CACNG5: variants seen among roughly 807,000 people sequenced by gnomAD.
CACNG5 encodes the protein calcium voltage-gated channel auxiliary subunit gamma 5.
CACNG5 carries 18 observed loss-of-function variants against 24.8 expected under a neutral mutation model. The ratio of observed to expected loss-of-function variants is 0.73; its 90% CI spans 0.50 to 1.08. CACNG5 has a LOEUF of 1.08. Ranked by LOEUF, CACNG5 falls within the 50% of genes least tolerant of loss-of-function variation. CACNG5 has a pLI of 0.00. For synonymous variants in CACNG5, 157 were observed against 149.1 expected (o/e 1.05, Z -0.39); for missense variants, 349 against 367.9 (o/e 0.95, Z 0.42).
chr17:66,839,401 C>G (rs1335866896), intron 1 of CACNG5, among the ~76,000 whole-genome samples: 1 of 152,034 alleles, frequency 6.6e-6, no homozygotes, highest in African/African-American at 2.4e-5. Flanking sequence ...TAGGAGCAAG[C>G]ATTCCACAGA....
chr17:66,878,739 G>A (rs1977118132), intron 2 of CACNG5, among the ~76,000 whole-genome samples: 1 of 152,134 alleles, frequency 6.6e-6, no homozygotes, highest in Admixed American at 6.5e-5. Flanking sequence ...TGGTGCTTGG[G>A]TCCATCCTCA....
At chr17:66,838,726 A>G (rs1976518608) in intron 1 of CACNG5, among the ~76,000 whole-genome samples, 1 of 152,138 alleles carries the variant, frequency 6.6e-6, no homozygotes. Context: ...GATGACAACA[A>G]TGATGATAGC....
At chr17:66,839,281 C>G (rs574781498) in intron 1 of CACNG5, among the ~76,000 whole-genome samples, 2 of 112,456 alleles carry the variant, frequency 1.8e-5, no homozygotes, top group African/African-American at 5.9e-5. Flanking sequence ...TTCTGACAAC[C>G]AAAAATGTCT....
intron 1 of CACNG5, among the ~76,000 whole-genome samples, chr17:66,845,555 T>C (rs1260653772): frequency 2.0e-5 from 3 of 152,030 alleles, no homozygotes; most frequent in African/African-American, 7.3e-5. Context: ...CTTTGCCAGA[T>C]GTTCCCCAAT....
chr17:66,877,322 G>T lies in CACNG5; in HGVS notation c.-11G>T, dbSNP rs765517982. 1 of 1,611,212 alleles carries T rather than the reference G, an allele frequency of 6.2e-7. No homozygotes were observed. Among genetic ancestry groups the T allele is most frequent in the Non-Finnish European group, 8.5e-7 (1 of 1,177,980 alleles). On this transcript the variant is annotated 5_prime_UTR_variant, in exon 2 of 6. Transcript: ENST00000533854. Reference sequence around the variant, plus strand: ...GCGTGGCGACTAGTTGCACAGCAACGGTCCAGGAAGATGAGTGCCTGCGGG... The same window carrying T: ...GCGTGGCGACTAGTTGCACAGCAACTGTCCAGGAAGATGAGTGCCTGCGGG...
chr17:66,877,711 T>G (rs1470731703), intron 2 of CACNG5, among the ~76,000 whole-genome samples, 183 bp downstream of exon 2: 3 of 152,182 alleles, frequency 2.0e-5, no homozygotes, highest in African/African-American at 7.2e-5. Flanking sequence ...CAAGTCCTGA[T>G]TCTCGATGTC....
chr17:66,835,121 GC>G lies in CACNG5; in HGVS notation c.-232del, dbSNP rs1206145645. On this transcript the variant is annotated 5_prime_UTR_variant, in exon 1 of 6. Coordinates refer to ENST00000533854, the MANE Select transcript of CACNG5 (RefSeq NM_145811.3). Reference sequence around the variant, plus strand: ...GCGGCGGCGGCGGCCACGGTCATTGGCGCCGAGCGGTTCCGGCTGACTGGAC... The same window carrying G: ...GCGGCGGCGGCGGCCACGGTCATTGGGCCGAGCGGTTCCGGCTGACTGGAC... 1 of 152,232 alleles carries G rather than the reference GC, an allele frequency of 6.6e-6. No individual in the cohort carries two copies. 9.4% of individuals were successfully genotyped at this position (152,232 alleles called of 1,614,324 possible). A position where few individuals can be genotyped will look rare whatever the true frequency, so the allele number is the denominator to read the frequency against.
rs186255949 is a variant in CACNG5, at chr17:66,859,267, T to C, written c.-103-17963T>C. ...ATTTCTCTTTTTGTACTCATGTTTG[T>C]GGGGCTAGAACTCAGGGCTTATGGC... On this transcript the variant is annotated intron_variant, in intron 1 of 5. Coordinates refer to ENST00000533854, the MANE Select transcript of CACNG5 (RefSeq NM_145811.3). Among the ~76,000 whole-genome samples the C allele has an allele frequency of 2.0e-4, 30 of 152,298 alleles. No homozygotes were observed. In the East Asian group the frequency reaches 3.7e-3, roughly 19 times the overall value.
rs373205652 is a variant in CACNG5, at chr17:66,850,520, A to AT, written c.-104+15280dup. ...CATGAAATGCTCTGGTTTAAAGTAT[A>AT]TTTTTTTTTTACATATAGGTTATCT... is the stretch of plus-strand genomic sequence containing the variant. On this transcript the variant is annotated intron_variant, in intron 1 of 5. Transcript: ENST00000533854. Among the ~76,000 whole-genome samples, 1,005 of 146,458 alleles carry AT rather than the reference A, an allele frequency of 6.9e-3. 13 individuals carry two copies. Among genetic ancestry groups the AT allele is most frequent in the African/African-American group, 0.024 (902 of 37,536 alleles).
intron 1 of CACNG5, among the ~76,000 whole-genome samples, chr17:66,875,485 G>A (rs992071876): frequency 4.6e-5 from 7 of 152,140 alleles, no homozygotes; most frequent in African/African-American, 1.2e-4. Context: ...GAGCAGGGCC[G>A]GCGCTGTGGA....
intron 1 of CACNG5, among the ~76,000 whole-genome samples, chr17:66,871,437 C>A (rs768437143): frequency 2.6e-5 from 4 of 152,198 alleles, no homozygotes; most frequent in African/African-American, 4.8e-5. Flanking sequence ...TCCATCCTTC[C>A]CAGCAATTGA....
At chr17:66,848,539 C>G (rs1395696832) in intron 1 of CACNG5, among the ~76,000 whole-genome samples, 1 of 152,214 alleles carries the variant, frequency 6.6e-6, no homozygotes, top group African/African-American at 2.4e-5. Flanking sequence ...TGAGGACAAA[C>G]CTCTACAGAT....
chr17:66,851,683 G>A lies in CACNG5; in HGVS notation c.-104+16433G>A, dbSNP rs576926270. The stretch of plus-strand genomic sequence containing the variant: ...AGCTGAATAAAATTGCCCAAACTGA[G>A]GAAATACCGGAAAGGGAAAAAGAGA... On this transcript the variant is annotated intron_variant, in intron 1 of 5. Coordinates refer to ENST00000533854, the MANE Select transcript of CACNG5 (RefSeq NM_145811.3). 7.2e-5 allele frequency among the ~76,000 whole-genome samples: 11 copies of A among 152,104 alleles called. No individual in the cohort carries two copies. In the South Asian group the frequency reaches 1.9e-3, roughly 26 times the overall value.
chr17:66,885,791 C>G lies in CACNG5; in HGVS notation c.*551C>G, dbSNP rs1977250950. Reference sequence around the variant, plus strand: ...TCTGAACTCCTTTCTCCTTGTCACCCCTGTCCCTCCACATGACACACCTGT... The same window carrying G: ...TCTGAACTCCTTTCTCCTTGTCACCGCTGTCCCTCCACATGACACACCTGT... On this transcript the variant is annotated 3_prime_UTR_variant, in exon 6 of 6. Coordinates refer to ENST00000533854, the MANE Select transcript of CACNG5 (RefSeq NM_145811.3). Among the ~76,000 whole-genome samples the G allele has an allele frequency of 6.6e-6, 1 of 152,160 alleles. No homozygotes were observed. Among genetic ancestry groups the G allele is most frequent in the Non-Finnish European group, 1.5e-5 (1 of 68,034 alleles).
chr17:66,839,206 C>T (rs1040355989), intron 1 of CACNG5, among the ~76,000 whole-genome samples: 3 of 151,804 alleles, frequency 2.0e-5, no homozygotes, highest in African/African-American at 7.3e-5. Context: ...GTGATCCACC[C>T]GCCTCGGCTT....
intron 1 of CACNG5, among the ~76,000 whole-genome samples, chr17:66,859,035 C>T (rs1385750426): frequency 6.6e-6 from 1 of 152,190 alleles, no homozygotes; most frequent in African/African-American, 2.4e-5. Flanking sequence ...GGCTTCCTCA[C>T]TCGTAGGGAC....
At chr17:66,865,488 C>T (rs1279881192) in intron 1 of CACNG5, among the ~76,000 whole-genome samples, 1 of 152,108 alleles carries the variant, frequency 6.6e-6, no homozygotes, top group African/African-American at 2.4e-5. Flanking sequence ...GCCCAGGTTC[C>T]AAATTCTCAG....
rs1176437644 is a variant in CACNG5 at position 66,894,134 on chromosome 17, C to T, written c.*8894C>T. Among the ~76,000 whole-genome samples, 4 of 152,178 alleles carry T rather than the reference C, an allele frequency of 2.6e-5. No homozygotes were observed. The highest frequency in any genetic ancestry group is 4.4e-5 in the Non-Finnish European group (3 of 68,038). On this transcript the variant is annotated 3_prime_UTR_variant, in exon 6 of 6. Transcript: ENST00000533854. ...CAGGCCCTGCCAAGGACTCTGCTCA[C>T]TGCTGCTCTAGGAACCCATCAATTG...
chr17:66,891,479 G>C lies in CACNG5; in HGVS notation c.*6239G>C, dbSNP rs1977344099. On this transcript the variant is annotated 3_prime_UTR_variant, in exon 6 of 6. Coordinates refer to ENST00000533854, the MANE Select transcript of CACNG5 (RefSeq NM_145811.3). ...TTCCCTGCTCATTGGTGTGGCAATT[G>C]CATCCACTGAGACTTCAGCTAAGGT... Among the ~76,000 whole-genome samples, 2 of 152,140 alleles carry C rather than the reference G, an allele frequency of 1.3e-5. No individual in the cohort carries two copies.
Sources: gnomAD v4.1 joint callset for allele counts (sites outside exome capture counted in the v4.1 genomes callset) on GRCh38, gnomAD v4.1.1 for gene constraint, MANE v1.5 for transcripts, NCBI Gene and HGNC (gene_info 2026-07-23, HGNC 2026-07-21) for gene names.